Variants in PPP2R2B observed in about 807,000 individuals in gnomAD.
PPP2R2B encodes protein phosphatase 2 regulatory subunit Bbeta.
A neutral mutation model predicts 46.0 loss-of-function variants in PPP2R2B; 5 were observed. The ratio of observed to expected loss-of-function variants is 0.11; its 90% CI spans 0.06 to 0.23. PPP2R2B has a LOEUF of 0.23. PPP2R2B is among the 10% of genes least tolerant of loss of function. The pLI is 1.00. For missense variants in PPP2R2B, 367 were observed against 575.0 expected (o/e 0.64, Z 3.70); for synonymous variants, 215 against 206.7 (o/e 1.04, Z -0.34).
At chr5:146,902,151 C>T (rs1413742313) in intron 1 of PPP2R2B, among the ~76,000 whole-genome samples, 1 of 152,144 alleles carries the variant, frequency 6.6e-6, no homozygotes, top group Non-Finnish European at 1.5e-5. Context: ...CAGACATCAT[C>T]TTCCTTGCCC....
rs563668329 is a variant in PPP2R2B at position 146,647,615 on chromosome 5, G to A, written c.625+2932C>T. The stretch of plus-strand genomic sequence containing the variant: ...ATCTGCAGAATATAACCTAAACTGC[G>A]CTGTTAATATTTCCCCTTTGCATTC... On this transcript the variant is annotated intron_variant, in intron 6 of 9. Transcript: ENST00000394411. 5.3e-5 allele frequency among the ~76,000 whole-genome samples: 8 copies of A among 152,244 alleles called. No homozygotes were observed. In the South Asian group the frequency reaches 1.5e-3, roughly 28 times the overall value.
intron 2 of PPP2R2B, among the ~76,000 whole-genome samples, chr5:146,726,370 T>C (rs1302100390): frequency 6.6e-6 from 1 of 152,130 alleles, no homozygotes; most frequent in Non-Finnish European, 1.5e-5. Flanking sequence ...ACTTTTTGGC[T>C]CTAGCGAGTT....
intron 1 of PPP2R2B, among the ~76,000 whole-genome samples, chr5:146,965,975 T>C (rs758134784): frequency 6.6e-6 from 1 of 152,196 alleles, no homozygotes; most frequent in Non-Finnish European, 1.5e-5. Flanking sequence ...ATAATGTTTG[T>C]AAAGCTCTTT....
chr5:146,697,990 A>G lies in PPP2R2B; in HGVS notation c.323T>C (p.Leu108Pro). 6.2e-7 allele frequency: 1 copy of G among 1,611,350 alleles called. No individual in the cohort carries two copies. Among genetic ancestry groups the G allele is most frequent in the Non-Finnish European group, 8.5e-7 (1 of 1,179,000 alleles). The change falls in exon 4 of 10, where the codon CTG becomes CCG. Residue 108 changes from leucine to proline, a missense_variant. By Grantham distance (98) the Leu-to-Pro change is moderately conservative. This residue lies in a region of PPP2R2B where 361 missense variants were observed against 545.5 expected (regional missense o/e 0.66). Coordinates refer to ENST00000394411, the MANE Select transcript of PPP2R2B (RefSeq NM_181675.4). The part of the protein sequence containing the change: ...LPQQNAAYFL[L>P]STNDKTVKLW... Reference sequence around the variant, plus strand: ...GGAATTCCACCTACCATTAGTAGACAGAAGAAAGTAAGCTGCATTCTGCTG... The same window carrying G: ...GGAATTCCACCTACCATTAGTAGACGGAAGAAAGTAAGCTGCATTCTGCTG...
intron 3 of PPP2R2B, 134 bp from the exon 4 acceptor site, chr5:146,698,278 T>C (rs1779300900): frequency 6.7e-6 from 2 of 299,434 alleles, no homozygotes; most frequent in East Asian, 1.0e-4. Context: ...GGCAGGGCCA[T>C]GATAGTCACT....
At chr5:146,691,780 G>T (rs1413115931) in intron 4 of PPP2R2B, among the ~76,000 whole-genome samples, 1 of 152,078 alleles carries the variant, frequency 6.6e-6, no homozygotes, top group African/African-American at 2.4e-5. Flanking sequence ...CAGACACATG[G>T]CTTCCCTACT....
At chr5:146,871,519 A>C (rs993390545) in intron 2 of PPP2R2B, among the ~76,000 whole-genome samples, 5 of 152,224 alleles carry the variant, frequency 3.3e-5, no homozygotes, top group African/African-American at 9.6e-5. Context: ...ATTATATAAC[A>C]GAAGAAATCT....
intron 5 of PPP2R2B, among the ~76,000 whole-genome samples, chr5:146,685,140 A>T (rs1369029039): frequency 2.0e-5 from 3 of 152,200 alleles, no homozygotes; most frequent in Non-Finnish European, 2.9e-5. Context: ...TGTACATCAG[A>T]TGTTGTCATC....
At chr5:146,947,306 G>A (rs927893179) in intron 1 of PPP2R2B, among the ~76,000 whole-genome samples, 14 of 152,054 alleles carry the variant, frequency 9.2e-5, no homozygotes, top group South Asian at 4.1e-4. Context: ...TGTGCTTTGC[G>A]CCTACTTCAT....
At position 146,851,854 on chromosome 5, in the gene PPP2R2B, T is replaced by C. The variant is rs937557713; in HGVS notation, c.70+26148A>G. Among the ~76,000 whole-genome samples, 21 of 151,984 alleles carry C rather than the reference T, an allele frequency of 1.4e-4. No homozygotes were observed. In the South Asian group the frequency reaches 3.7e-3, roughly 27 times the overall value. On this transcript the variant is annotated intron_variant, in intron 2 of 9. Coordinates refer to ENST00000394411, the MANE Select transcript of PPP2R2B (RefSeq NM_181675.4). ...TTTTTAGTGATAAGTTTACAAGCAG[T>C]TGTTAGTGGTACAGAAAATCTTACG...
intron 2 of PPP2R2B, among the ~76,000 whole-genome samples, chr5:146,819,098 A>C (rs1161271326): frequency 6.6e-6 from 1 of 152,178 alleles, no homozygotes; most frequent in Non-Finnish European, 1.5e-5. Flanking sequence ...CCAGCTGAAA[A>C]TCAGCTCTAA....
chr5:146,906,013 T>C (rs1017888044), intron 1 of PPP2R2B, among the ~76,000 whole-genome samples: 5 of 152,154 alleles, frequency 3.3e-5, no homozygotes, highest in Admixed American at 2.6e-4. Context: ...ATGGAAAGCT[T>C]GTAAGCAGGA....
chr5:147,034,953 TAGA>T (rs1755964518), intron 1 of PPP2R2B, among the ~76,000 whole-genome samples: 2 of 150,196 alleles, frequency 1.3e-5, no homozygotes, highest in South Asian at 2.1e-4. Flanking sequence ...GTGATGGTGG[TAGA>T]AGGAGGGAGG....
chr5:146,796,694 A>G (rs1022971793), intron 2 of PPP2R2B, among the ~76,000 whole-genome samples: 6 of 152,198 alleles, frequency 3.9e-5, no homozygotes, highest in African/African-American at 7.2e-5. Flanking sequence ...AACCTAGGGT[A>G]GAAAAGGAAA....
chr5:146,641,413 T>A (rs1049565053), intron 6 of PPP2R2B, among the ~76,000 whole-genome samples: 2 of 152,012 alleles, frequency 1.3e-5, no homozygotes, highest in African/African-American at 4.8e-5. Context: ...GGCAGCCCCA[T>A]CTCTTCTGGC....
intron 6 of PPP2R2B, among the ~76,000 whole-genome samples, chr5:146,643,472 T>C (rs1581778401): frequency 6.6e-6 from 1 of 152,330 alleles, no homozygotes; most frequent in African/African-American, 2.4e-5. Context: ...ATTATGTCTC[T>C]ATATGTCCTA....
At chr5:146,691,091 C>A (rs1013549533) in intron 5 of PPP2R2B, 37 bp downstream of exon 5, 6 of 1,586,042 alleles carry the variant, frequency 3.8e-6, no homozygotes, top group East Asian at 4.5e-5. Context: ...GAGACCTGCC[C>A]CTGACTGTGG....
At chr5:146,714,718 T>G (rs1027787162) in intron 2 of PPP2R2B, among the ~76,000 whole-genome samples, 7 of 152,204 alleles carry the variant, frequency 4.6e-5, no homozygotes, top group African/African-American at 1.7e-4. Context: ...ACAGGATTCT[T>G]AAAACATTTA....
Position 146,897,320 on chromosome 5 carries a change from T to A in PPP2R2B, c.79+158345A>T, listed in dbSNP as rs190921589. 1.6e-3 allele frequency among the ~76,000 whole-genome samples: 237 copies of A among 152,354 alleles called. 3 individuals carry two copies. Among genetic ancestry groups the A allele is most frequent in the African/African-American group, 5.1e-3 (211 of 41,592 alleles). ...GGATTTACCTGCCCCCCGTTCCCAC[T>A]GTTTAACTCTTCTCATCACACCCTG... is the stretch of plus-strand genomic sequence containing the variant. On this transcript the variant is annotated intron_variant, in intron 1 of 8. Transcript: ENST00000336640.
Sources: gnomAD v4.1 joint callset for allele counts (sites outside exome capture counted in the v4.1 genomes callset) on GRCh38, gnomAD v4.1.1 for gene constraint, gnomAD v4.1.1 regional missense constraint, MANE v1.5 for transcripts, NCBI Gene and HGNC (gene_info 2026-07-23, HGNC 2026-07-21) for gene names.